Variants in CEP57L1 observed in about 807,000 individuals in gnomAD.
CEP57L1 encodes centrosomal protein CEP57L1.
A neutral mutation model predicts 61.0 loss-of-function variants in CEP57L1; 37 were observed. The ratio of observed to expected loss-of-function variants is 0.61; its 90% CI spans 0.47 to 0.80. The LOEUF (loss-of-function observed/expected upper bound fraction) is 0.80. CEP57L1 is among the 30% of genes least tolerant of loss of function. The pLI is 0.00. For missense variants in CEP57L1, 422 were observed against 524.7 expected, an observed-to-expected ratio of 0.80 and a Z score of 1.91; for synonymous variants, 137 against 162.3, an observed-to-expected ratio of 0.84 and a Z score of 1.19.
At chr6:109,112,797 A>T (rs563445888) in intron 1 of CEP57L1, among the ~76,000 whole-genome samples, 1 of 152,176 alleles carries the variant, frequency 6.6e-6, no homozygotes, top group Non-Finnish European at 1.5e-5. Flanking sequence ...CAGGTTATTC[A>T]GTTTCCATGT....
intron 1 of CEP57L1, among the ~76,000 whole-genome samples, chr6:109,138,193 G>C (rs1373078059): frequency 6.6e-6 from 1 of 152,172 alleles, no homozygotes; most frequent in African/African-American, 2.4e-5. Context: ...CTTTTTCTCT[G>C]AGTAAGACGT....
At chr6:109,150,817 T>C (rs1427357381) in intron 4 of CEP57L1, among the ~76,000 whole-genome samples, 2 of 151,996 alleles carry the variant, frequency 1.3e-5, no homozygotes, top group Non-Finnish European at 2.9e-5. Flanking sequence ...AGAAAATAAG[T>C]ACTGGTCTAG....
intron 5 of CEP57L1, among the ~76,000 whole-genome samples, chr6:109,154,339 A>T (rs1772996101): frequency 6.6e-6 from 1 of 152,062 alleles, no homozygotes; most frequent in Non-Finnish European, 1.5e-5. Context: ...TTCCCCTAGG[A>T]AGTCCTCCTT....
At position 109,141,266 on chromosome 6, in the gene CEP57L1, T is replaced by G. The variant is rs555775102; in HGVS notation, c.-3-3953T>G. The stretch of plus-strand genomic sequence containing the variant: ...AGTCTCACATTGTTGCCTGTGCTAG[T>G]GTGTAGTGGCGCAATCTCGGCTCAC... On this transcript the variant is annotated intron_variant, in intron 1 of 10. Coordinates refer to ENST00000517392, the MANE Select transcript of CEP57L1 (RefSeq NM_001271852.3). Among the ~76,000 whole-genome samples, 3 of 151,360 alleles carry G rather than the reference T, an allele frequency of 2.0e-5. No individual in the cohort carries two copies. The East Asian group carries it at 5.9e-4, about 30-fold the overall frequency.
chr6:109,124,289 T>C (rs1390291393), intron 1 of CEP57L1, among the ~76,000 whole-genome samples: 1 of 152,222 alleles, frequency 6.6e-6, no homozygotes, highest in African/African-American at 2.4e-5. Context: ...CATGCGAGAC[T>C]CCTCAGATCT....
chr6:109,160,364 G>T (rs1346491942), intron 9 of CEP57L1, among the ~76,000 whole-genome samples: 1 of 152,116 alleles, frequency 6.6e-6, no homozygotes, highest in Non-Finnish European at 1.5e-5. Context: ...GCCGTCTTAA[G>T]ATATTTCTAA....
chr6:109,148,736 C>A (rs1243858137), intron 3 of CEP57L1, among the ~76,000 whole-genome samples: 1 of 152,138 alleles, frequency 6.6e-6, no homozygotes, highest in Non-Finnish European at 1.5e-5. Flanking sequence ...GTCCCACCAA[C>A]AATGTAAAAG....
intron 1 of CEP57L1, among the ~76,000 whole-genome samples, chr6:109,111,236 G>A (rs560381870): frequency 1.6e-4 from 25 of 151,994 alleles, no homozygotes; most frequent in African/African-American, 3.6e-4. Flanking sequence ...TGAAGAGGTC[G>A]TTTACATCCC....
rs1276763721 is a variant in CEP57L1 at position 109,163,259 on chromosome 6, G to A, written c.*289G>A. 13 of 242,262 alleles carry A rather than the reference G, an allele frequency of 5.4e-5. No homozygotes were observed. The East Asian group carries it at 1.3e-3, about 24-fold the overall frequency. 15.0% of individuals were successfully genotyped at this position (242,262 alleles called of 1,614,324 possible). A position where few individuals can be genotyped will look rare whatever the true frequency, so the allele number is the denominator to read the frequency against. On this transcript the variant is annotated 3_prime_UTR_variant, in exon 11 of 11. Transcript: ENST00000517392. ...AAGCTAAATTTAAGAAATTGTACTA[G>A]ATTGACAATATTCAAAATTGAGTTA...
chr6:109,105,172 T>G (rs1485605549), intron 1 of CEP57L1, among the ~76,000 whole-genome samples: 1 of 152,096 alleles, frequency 6.6e-6, no homozygotes, highest in Non-Finnish European at 1.5e-5. Flanking sequence ...ATGTTTTTTG[T>G]TATACAGACA....
At chr6:109,135,921 G>T (rs1292384427) in intron 1 of CEP57L1, among the ~76,000 whole-genome samples, 3 of 152,166 alleles carry the variant, frequency 2.0e-5, no homozygotes, top group African/African-American at 7.2e-5. Flanking sequence ...AACAACAGGT[G>T]CTGGAGAGGA....
chr6:109,111,852 C>T (rs1254605049), intron 1 of CEP57L1, among the ~76,000 whole-genome samples: 1 of 152,162 alleles, frequency 6.6e-6, no homozygotes, highest in Admixed American at 6.5e-5. Flanking sequence ...GTTGAACCAG[C>T]CTTGCATCAC....
chr6:109,156,414 A>G (rs186300722), intron 7 of CEP57L1: 7 of 152,246 alleles, frequency 4.6e-5, no homozygotes, highest in African/African-American at 1.4e-4. Context: ...TGTAATTTCT[A>G]TGCTTATTTC....
At chr6:109,132,607 C>T (rs376962851) in intron 1 of CEP57L1, among the ~76,000 whole-genome samples, 21 of 152,230 alleles carry the variant, frequency 1.4e-4, no homozygotes, top group Middle Eastern at 6.8e-3. Context: ...TTCTCTAAGA[C>T]TTATTCGCTA....
At chr6:109,099,237 A>G (rs1210331289) in intron 1 of CEP57L1, among the ~76,000 whole-genome samples, 4 of 152,200 alleles carry the variant, frequency 2.6e-5, no homozygotes, top group East Asian at 1.9e-4. Flanking sequence ...AGTTGTTGAT[A>G]TCACCAAAAG....
In CEP57L1 at chr6:109,173,856, TG is replaced by T. The variant is rs1463795173; in HGVS notation, c.*10889del. Among the ~76,000 whole-genome samples, 25 of 151,814 alleles carry T rather than the reference TG, an allele frequency of 1.6e-4. No homozygotes were observed. Among genetic ancestry groups the T allele is most frequent in the Admixed American group, 1.5e-3 (23 of 15,248 alleles). On this transcript the variant is annotated 3_prime_UTR_variant, in exon 11 of 11. Transcript: ENST00000517392. ...GCTCACGCCTATAATCCCAGCACTT[TG>T]GGAGGCAAAGGAAGGTGGATCACTT... is the stretch of plus-strand genomic sequence containing the variant.
At chr6:109,143,300 CT>C (rs1771619967) in intron 1 of CEP57L1, among the ~76,000 whole-genome samples, 1 of 152,074 alleles carries the variant, frequency 6.6e-6, no homozygotes, top group Admixed American at 6.6e-5. Context: ...TGGATCAAGC[CT>C]TTTGTAGTTA....
chr6:109,145,434 T>G, intron 2 of CEP57L1, 53 bp downstream of exon 2: 1 of 1,259,340 alleles, frequency 7.9e-7, no homozygotes, highest in Non-Finnish European at 1.1e-6. Flanking sequence ...TAAAAAACTT[T>G]TCATATTTAT....
rs1456025511 is a variant in CEP57L1 at position 109,162,817 on chromosome 6, C to T, written c.1230C>T (p.Asp410=). Residue 410 remains aspartate, a synonymous_variant, in exon 11 of 11, where the codon GAC becomes GAT. Transcript: ENST00000517392. The part of the protein sequence containing the change: ...MSEASGIQQE[D]SYPKGSKNIK... Reference sequence around the variant, plus strand: ...AAGCTTCAGGTATTCAGCAAGAAGACAGCTACCCTAAAGGATCAAAGAACA... The same window carrying T: ...AAGCTTCAGGTATTCAGCAAGAAGATAGCTACCCTAAAGGATCAAAGAACA... 3 of 1,613,242 alleles carry T rather than the reference C, an allele frequency of 1.9e-6. No homozygotes were observed. The highest frequency in any genetic ancestry group is 2.2e-5 in the East Asian group (1 of 44,782).
Sources: gnomAD v4.1 joint callset for allele counts (sites outside exome capture counted in the v4.1 genomes callset) on GRCh38, gnomAD v4.1.1 for gene constraint, MANE v1.5 for transcripts, NCBI Gene and HGNC (gene_info 2026-07-23, HGNC 2026-07-21) for gene names.